Variants in PDCD6 observed in about 807,000 individuals in gnomAD.
PDCD6 encodes programmed cell death protein 6.
In PDCD6, 12 loss-of-function variants were observed where a neutral mutation model predicts 28.3. The observed-to-expected ratio is 0.42, with a 90% CI of 0.27 to 0.69. The LOEUF is 0.69. PDCD6 is among the 30% of genes least tolerant of loss of function. The pLI is 0.22. For missense variants in PDCD6, 226 were observed against 269.9 expected, an observed-to-expected ratio of 0.84 and a Z score of 1.14; for synonymous variants, 92 against 108.0, an observed-to-expected ratio of 0.85 and a Z score of 0.92.
intron 2 of PDCD6, among the ~76,000 whole-genome samples, chr5:290,862 A>G (rs1739271924): frequency 6.6e-6 from 1 of 152,220 alleles, no homozygotes; most frequent in South Asian, 2.1e-4. Flanking sequence ...GGTTCCGTGG[A>G]TGGAAGCTCA....
chr5:272,643 A>G, intron 1 of PDCD6, 68 bp from the exon 2 acceptor site: 1 of 1,534,800 alleles, frequency 6.5e-7, no homozygotes, highest in Non-Finnish European at 8.8e-7. Context: ...CAGGGTTGAC[A>G]GAAGACGTTT....
chr5:283,219 G>A lies in PDCD6; in HGVS notation c.163+10447G>A, dbSNP rs549747802. ...TTCAGGGTCATGCAGCTGAAGACTC[G>A]GGGAGGAGCTGATGTTGTAGTTTGA... On this transcript the variant is annotated intron_variant, in intron 2 of 5. Coordinates refer to ENST00000264933, the MANE Select transcript of PDCD6 (RefSeq NM_013232.4). Among the ~76,000 whole-genome samples, 103 of 151,446 alleles carry A rather than the reference G, an allele frequency of 6.8e-4. 3 individuals are homozygous for A. Among genetic ancestry groups the A allele is most frequent in the Admixed American group, 5.4e-3 (82 of 15,182 alleles).
chr5:283,941 G>A (rs980132300), intron 2 of PDCD6, among the ~76,000 whole-genome samples: 1 of 152,130 alleles, frequency 6.6e-6, no homozygotes, highest in African/African-American at 2.4e-5. Context: ...AGGAGCTGAT[G>A]TTCTAGCTTG....
rs535589799 is a variant in PDCD6 at position 311,560 on chromosome 5, G to A, written c.477+158G>A. ...TCATCTTTGGAGAAGTAGCCGGTTAGTGAAGTGTGGACAAACATGTTTTCC... is the reference window on the plus strand; with the variant it reads ...TCATCTTTGGAGAAGTAGCCGGTTAATGAAGTGTGGACAAACATGTTTTCC... On this transcript the variant is annotated intron_variant, in intron 5 of 5. Coordinates refer to ENST00000264933, the MANE Select transcript of PDCD6 (RefSeq NM_013232.4). 1.3e-3 allele frequency: 792 copies of A among 605,502 alleles called. 1 individual carries two copies. Among genetic ancestry groups the A allele is most frequent in the Admixed American group, 2.0e-3 (70 of 34,644 alleles). The allele number at this position is 605,502 out of a possible 1,614,324, so 37.5% of individuals were successfully genotyped here. A position where few individuals can be genotyped will look rare whatever the true frequency, so the allele number is the denominator to read the frequency against.
intron 2 of PDCD6, 93 bp downstream of exon 2, chr5:272,865 G>A (rs753524335): frequency 2.0e-6 from 3 of 1,508,734 alleles, no homozygotes; most frequent in Non-Finnish European, 2.7e-6. Context: ...GTTTTTCCAA[G>A]GACAAAGGAA....
intron 2 of PDCD6, among the ~76,000 whole-genome samples, chr5:283,521 T>C (rs575158165): frequency 2.4e-3 from 370 of 152,278 alleles, no homozygotes; most frequent in Non-Finnish European, 3.5e-3. Context: ...GCTGATGTTC[T>C]AGATTGAGGG....
At chr5:310,937 A>G (rs1384948292) in intron 4 of PDCD6, 9 of 243,742 alleles carry the variant, frequency 3.7e-5, no homozygotes, top group East Asian at 1.3e-4. Context: ...AAGTAACTCC[A>G]CTGGGTTCAG....
chr5:301,867 G>C (rs1430098769), intron 2 of PDCD6, among the ~76,000 whole-genome samples: 1 of 141,398 alleles, frequency 7.1e-6, no homozygotes, highest in Non-Finnish European at 1.5e-5. Context: ...AGGGTGGGTC[G>C]TCCAGTGCTG....
At chr5:274,134 T>C (rs374081946) in intron 2 of PDCD6, among the ~76,000 whole-genome samples, 14 of 152,160 alleles carry the variant, frequency 9.2e-5, no homozygotes, top group African/African-American at 3.4e-4. Flanking sequence ...CAGATGACCA[T>C]CCAGGTTCAA....
At chr5:308,581 TGTC>T (rs1039966973) in intron 4 of PDCD6, 7 of 152,242 alleles carry the variant, frequency 4.6e-5, no homozygotes, top group Admixed American at 3.9e-4. Flanking sequence ...AAAGGGGCAT[TGTC>T]ATCCTTTTTG....
intron 2 of PDCD6, among the ~76,000 whole-genome samples, chr5:298,275 T>C (rs1299374869): frequency 6.6e-6 from 1 of 152,082 alleles, no homozygotes; most frequent in Non-Finnish European, 1.5e-5. Context: ...ATCATTTCAC[T>C]TAAACACATT....
intron 4 of PDCD6, 91 bp downstream of exon 4, chr5:306,851 T>C: frequency 7.7e-7 from 1 of 1,307,182 alleles, no homozygotes; most frequent in Non-Finnish European, 1.1e-6. Flanking sequence ...CTTAACTGAT[T>C]GTCTAACCAG....
At chr5:275,642 GTGTC>G (rs1408397870) in intron 2 of PDCD6, among the ~76,000 whole-genome samples, 1 of 152,188 alleles carries the variant, frequency 6.6e-6, no homozygotes, top group Non-Finnish European at 1.5e-5. Context: ...TGTACCGTGA[GTGTC>G]TCTGTGTTTC....
In PDCD6 at chr5:272,894, A is replaced by G. The variant is rs1430817350; in HGVS notation, c.163+122A>G. On this transcript the variant is annotated intron_variant, in intron 2 of 5. Transcript: ENST00000264933. Reference sequence around the variant, plus strand: ...AAAGGAATCATTAGGACAAATTGTTATTACTGCTTCGTAGTGGAGATGCTT... The same window carrying G: ...AAAGGAATCATTAGGACAAATTGTTGTTACTGCTTCGTAGTGGAGATGCTT... 12 of 1,427,248 alleles carry G rather than the reference A, an allele frequency of 8.4e-6. 2 individuals carry two copies. The highest frequency in any genetic ancestry group is 9.5e-7 in the Non-Finnish European group (1 of 1,055,020). 88.4% of individuals were successfully genotyped at this position (1,427,248 alleles called of 1,614,324 possible). A position where few individuals can be genotyped will look rare whatever the true frequency, so the allele number is the denominator to read the frequency against.
chr5:306,524 G>T (rs1740497265), intron 3 of PDCD6, 78 bp from the exon 4 acceptor site: 1 of 1,516,012 alleles, frequency 6.6e-7, no homozygotes, highest in Non-Finnish European at 9.1e-7. Context: ...GGCTCTGAGG[G>T]CTGAGGTCTG....
At chr5:289,099 A>G in intron 2 of PDCD6, 1 of 1,199,286 alleles carries the variant, frequency 8.3e-7, no homozygotes, top group Non-Finnish European at 1.2e-6. Flanking sequence ...GCATCATCAG[A>G]TTATTTTTCT....
intron 2 of PDCD6, among the ~76,000 whole-genome samples, chr5:286,812 C>T (rs1739000237): frequency 6.6e-6 from 1 of 152,060 alleles, no homozygotes; most frequent in African/African-American, 2.4e-5. Flanking sequence ...ATGAGATGGT[C>T]CTGCGGTTCA....
rs1472491126 is a variant in PDCD6 at position 271,665 on chromosome 5, G to GC, written c.-54dup. 15 of 1,026,600 alleles carry GC rather than the reference G, an allele frequency of 1.5e-5. No homozygotes were observed. Among genetic ancestry groups the GC allele is most frequent in the Non-Finnish European group, 2.2e-5 (15 of 684,974 alleles). 63.6% of individuals were successfully genotyped at this position (1,026,600 alleles called of 1,614,324 possible). On this transcript the variant is annotated 5_prime_UTR_variant, in exon 1 of 6. Transcript: ENST00000264933. Reference sequence around the variant, plus strand: ...CCCGGCAGAGGCGGAAGCGGAGTCGGCCTGAGAGGTCTCTCGTCGCTGCAG... The same window carrying GC: ...CCCGGCAGAGGCGGAAGCGGAGTCGGCCCTGAGAGGTCTCTCGTCGCTGCAG...
chr5:313,056 A>T (rs959409413), intron 5 of PDCD6, among the ~76,000 whole-genome samples: 2 of 152,200 alleles, frequency 1.3e-5, no homozygotes, highest in Non-Finnish European at 2.9e-5. Context: ...CAGCCAGCGT[A>T]GCTCCTCCTG....
Sources: allele counts gnomAD v4.1 joint callset (sites outside exome capture counted in the v4.1 genomes callset), GRCh38; gene constraint gnomAD v4.1.1; transcripts MANE v1.5; gene names NCBI Gene and HGNC (gene_info 2026-07-23, HGNC 2026-07-21).